The following SYNPO2 variants were observed in gnomAD, a reference collection of about 807,000 sequenced individuals.
The protein encoded by SYNPO2 is synaptopodin-2.
In SYNPO2, 56 loss-of-function variants were observed where a neutral mutation model predicts 85.0. The observed-to-expected ratio is 0.66, with a 90% CI of 0.53 to 0.82. The LOEUF is 0.82. SYNPO2 is among the 40% of genes least tolerant of loss of function. SYNPO2 has a pLI of 0.00. For synonymous variants in SYNPO2, 602 were observed against 591.1 expected (o/e 1.02, Z -0.27); for missense variants, 1,575 against 1,534.2 (o/e 1.03, Z -0.44).
chr4:119,015,649 G>C (rs1737496173), intron 1 of SYNPO2, among the ~76,000 whole-genome samples: 2 of 152,226 alleles, frequency 1.3e-5, no homozygotes, highest in South Asian at 2.1e-4. Flanking sequence ...ACCTCATTTA[G>C]CTATTTGGGA....
chr4:119,033,769 G>GT (rs1219375218), intron 4 of SYNPO2: 1 of 984,600 alleles, frequency 1.0e-6, no homozygotes, highest in Non-Finnish European at 1.2e-6. Context: ...AATCTTCCTT[G>GT]TATGAGCTAT....
chr4:119,026,479 C>A, intron 2 of SYNPO2, 148 bp from the exon 3 acceptor site: 1 of 837,894 alleles, frequency 1.2e-6, no homozygotes, highest in Non-Finnish European at 1.8e-6. Context: ...ATGTTGCCAC[C>A]TTCTGTTTTC....
intron 1 of SYNPO2, among the ~76,000 whole-genome samples, chr4:118,973,728 TCTTTC>T (rs1393775104): frequency 3.3e-5 from 5 of 152,346 alleles, no homozygotes; most frequent in African/African-American, 4.8e-5. Context: ...ATTTTTTTCT[TCTTTC>T]CTTTCATTTT....
intron 3 of SYNPO2, among the ~76,000 whole-genome samples, chr4:119,028,433 T>G (rs1738075202): frequency 6.6e-6 from 1 of 152,152 alleles, no homozygotes; most frequent in Non-Finnish European, 1.5e-5. Context: ...TGTTAATCAT[T>G]CCTTATACTT....
chr4:119,001,712 A>C (rs1487572787), intron 1 of SYNPO2, among the ~76,000 whole-genome samples: 1 of 152,158 alleles, frequency 6.6e-6, no homozygotes, highest in Non-Finnish European at 1.5e-5. Flanking sequence ...TTTATGAAAA[A>C]CCATCAATTT....
intron 1 of SYNPO2, among the ~76,000 whole-genome samples, chr4:118,982,375 G>T (rs1182481834): frequency 6.6e-6 from 1 of 152,110 alleles, no homozygotes; most frequent in Non-Finnish European, 1.5e-5. Context: ...TAACCCTCTC[G>T]GATGCACATA....
chr4:119,026,301 T>A (rs1332495609), intron 2 of SYNPO2, among the ~76,000 whole-genome samples: 2 of 152,224 alleles, frequency 1.3e-5, no homozygotes, highest in African/African-American at 4.8e-5. Context: ...GCAAACTCAT[T>A]ATAAGAGATA....
chr4:119,049,248 C>T (rs1315796098), intron 4 of SYNPO2, among the ~76,000 whole-genome samples: 2 of 152,140 alleles, frequency 1.3e-5, no homozygotes, highest in Non-Finnish European at 2.9e-5. Flanking sequence ...CCTTCTAGGA[C>T]CTCTGCTTTT....
chr4:119,029,486 TTA>T (rs1738119071), intron 3 of SYNPO2, among the ~76,000 whole-genome samples: 1 of 152,158 alleles, frequency 6.6e-6, no homozygotes, highest in African/African-American at 2.4e-5. Context: ...TCAGAAAATA[TTA>T]TGTCTTTAAA....
intron 1 of SYNPO2, among the ~76,000 whole-genome samples, chr4:118,948,776 G>C (rs933959574): frequency 6.6e-6 from 1 of 152,228 alleles, no homozygotes; most frequent in East Asian, 1.9e-4. Flanking sequence ...TGAGTGATTC[G>C]TTCCCATGAT....
intron 1 of SYNPO2, among the ~76,000 whole-genome samples, chr4:118,942,146 C>T (rs1463775156): frequency 6.6e-6 from 1 of 152,182 alleles, no homozygotes; most frequent in African/African-American, 2.4e-5. Flanking sequence ...GAAGGACAGT[C>T]TCTCCCCAGC....
chr4:119,031,748 G>A lies in SYNPO2; in HGVS notation c.2973G>A (p.Lys991=), dbSNP rs768205438. 2.0e-5 allele frequency: 33 copies of A among 1,614,100 alleles called. No homozygotes were observed. Among genetic ancestry groups the A allele is most frequent in the Non-Finnish European group, 2.5e-5 (30 of 1,180,052 alleles). The change falls in exon 4 of 5, where the codon AAG becomes AAA. Residue 991 remains lysine (K), a synonymous_variant. Transcript: ENST00000307142. ...ATGCAAAGGATGGCCTCCCCCAGAA[G>A]TCATCAGTCAAGGTCAATTCAGCCC... ...PPDAKDGLPQ[K]SSVKVNSALA...
upstream of SYNPO2, among the ~76,000 whole-genome samples, chr4:118,886,885 A>G (rs1732207668): frequency 6.6e-6 from 1 of 152,192 alleles, no homozygotes; most frequent in Non-Finnish European, 1.5e-5. Flanking sequence ...ATGAGTCACA[A>G]ATAAAATCAC....
intron 4 of SYNPO2, chr4:119,032,998 G>A (rs1738348403): frequency 3.1e-6 from 3 of 955,564 alleles, no homozygotes; most frequent in Admixed American, 9.5e-5. Context: ...GAAAGCATAA[G>A]TTTGTTTTCC....
At chr4:118,939,662 A>G (rs1453534902) in intron 1 of SYNPO2, among the ~76,000 whole-genome samples, 1 of 152,248 alleles carries the variant, frequency 6.6e-6, no homozygotes, top group African/African-American at 2.4e-5. Context: ...CTCATATTCC[A>G]GGTGACTGCA....
intron 1 of SYNPO2, among the ~76,000 whole-genome samples, chr4:118,940,874 C>G (rs1364643776): frequency 6.8e-6 from 1 of 146,260 alleles, no homozygotes; most frequent in Non-Finnish European, 1.5e-5. Flanking sequence ...GAGGACTCCT[C>G]TTGTTCCTGT....
chr4:119,026,854 C>G lies in SYNPO2; in HGVS notation c.485C>G (p.Pro162Arg). Reference sequence around the variant, plus strand: ...GGCAGCTTGAAAGAAGAAACAGGCCCGAGCTACCAAAGGGCTCCCCAAATG... The same window carrying G: ...GGCAGCTTGAAAGAAGAAACAGGCCGGAGCTACCAAAGGGCTCCCCAAATG... ...CAGSLKEETG[P>R]SYQRAPQMPD... The change falls in exon 3 of 5, where the codon CCG (proline) becomes CGG (arginine). Residue 162 changes from proline (P) to arginine (R), a missense_variant. Physicochemically the swap from Pro to Arg is moderately radical, Grantham distance 103 (BLOSUM62 -2). Around this residue, in one of 3 missense-constraint regions of SYNPO2, gnomAD observed 1,508 missense variants for 1,446.8 expected, o/e 1.04. Transcript: ENST00000307142. 6.2e-7 allele frequency: 1 copy of G among 1,614,022 alleles called. No individual in the cohort carries two copies. The highest frequency in any genetic ancestry group is 8.5e-7 in the Non-Finnish European group (1 of 1,179,988).
intron 1 of SYNPO2, among the ~76,000 whole-genome samples, chr4:119,019,679 C>T (rs778156144): frequency 1.7e-4 from 26 of 152,060 alleles, no homozygotes; most frequent in Non-Finnish European, 2.8e-4. Context: ...AACATCTAGA[C>T]GATAAAATTT....
chr4:118,907,632 CA>C (rs1427228256), intron 1 of SYNPO2, among the ~76,000 whole-genome samples: 4 of 152,104 alleles, frequency 2.6e-5, no homozygotes, highest in African/African-American at 7.2e-5. Flanking sequence ...CTGTGTCCTA[CA>C]AATGACTTCT....
Sources: allele counts gnomAD v4.1 joint callset (sites outside exome capture counted in the v4.1 genomes callset), GRCh38; gene constraint gnomAD v4.1.1; regional missense constraint gnomAD v4.1.1; transcripts MANE v1.5; gene names NCBI Gene and HGNC (gene_info 2026-07-23, HGNC 2026-07-21).